NIM1K: variants seen among roughly 807,000 people sequenced by gnomAD.
The protein encoded by NIM1K is serine/threonine-protein kinase NIM1.
A neutral mutation model predicts 37.1 loss-of-function variants in NIM1K; 35 were observed. That is an observed-to-expected ratio of 0.94 (90% CI 0.72 to 1.25). The LOEUF is 1.25. NIM1K is among the 50% of genes most tolerant of loss of function. The pLI is 0.00. For synonymous variants in NIM1K, 234 were observed against 206.6 expected, an observed-to-expected ratio of 1.13 and a Z score of -1.14; for missense variants, 564 against 548.0, an observed-to-expected ratio of 1.03 and a Z score of -0.29.
chr5:43,210,200 G>A (rs1752183762), intron 1 of NIM1K, among the ~76,000 whole-genome samples: 1 of 151,644 alleles, frequency 6.6e-6, no homozygotes, highest in Non-Finnish European at 1.5e-5. Flanking sequence ...GGAGAGGGGA[G>A]GGGAGGAGAG....
intron 2 of NIM1K, among the ~76,000 whole-genome samples, chr5:43,246,787 G>A (rs1184696622): frequency 2.0e-5 from 3 of 152,188 alleles, no homozygotes; most frequent in African/African-American, 7.2e-5. Flanking sequence ...ACCATATGGA[G>A]AGCCCAGCAC....
At position 43,198,299 on chromosome 5, in the gene NIM1K, CCTTA is replaced by C. The variant is rs757353757; in HGVS notation, c.-695+5892_-695+5895del. 1.0e-4 allele frequency among the ~76,000 whole-genome samples: 15 copies of C among 146,294 alleles called. No homozygotes were observed. In the East Asian group the frequency reaches 1.4e-3, roughly 14 times the overall value. ...TCTTTCTCTCCTTTCTTCCTTCCTT[CCTTA>C]CTTCCTTCCTCCCTTCCTTCCTTTC... On this transcript the variant is annotated intron_variant, in intron 1 of 3. Coordinates refer to ENST00000326035, the MANE Select transcript of NIM1K (RefSeq NM_153361.4).
Position 43,245,628 on chromosome 5 carries a change from C to T in NIM1K, c.-148C>T. 7 of 724,532 alleles carry T rather than the reference C, an allele frequency of 9.7e-6. No individual in the cohort carries two copies. The highest frequency in any genetic ancestry group is 2.6e-5 in the Admixed American group (1 of 39,212). The allele number at this position is 724,532 out of a possible 1,614,324, so 44.9% of individuals were successfully genotyped here. A position where few individuals can be genotyped will look rare whatever the true frequency, so the allele number is the denominator to read the frequency against. Reference sequence around the variant, plus strand: ...TTCACTGCCTTCCTCTCACTAAAGCCGAGAGGGAGGCTGCTCAGCTCTCAG... The same window carrying T: ...TTCACTGCCTTCCTCTCACTAAAGCTGAGAGGGAGGCTGCTCAGCTCTCAG... On this transcript the variant is annotated 5_prime_UTR_variant, in exon 2 of 4. Transcript: ENST00000326035.
At chr5:43,253,623 T>A (rs984349256) in intron 2 of NIM1K, among the ~76,000 whole-genome samples, 1 of 151,846 alleles carries the variant, frequency 6.6e-6, no homozygotes, top group Admixed American at 6.6e-5. Flanking sequence ...TTCTTGCATA[T>A]CTGGATTTTG....
chr5:43,262,106 C>A (rs566239266), intron 2 of NIM1K, among the ~76,000 whole-genome samples: 52 of 152,116 alleles, frequency 3.4e-4, no homozygotes, highest in African/African-American at 9.9e-4. Context: ...TTTTTTGGTT[C>A]CATATGAACT....
chr5:43,275,282 C>T (rs1011648375), intron 2 of NIM1K, among the ~76,000 whole-genome samples: 1 of 152,166 alleles, frequency 6.6e-6, no homozygotes. Context: ...TTGATAGCTT[C>T]ATGGTGTGAA....
chr5:43,212,276 C>G (rs890029210), intron 1 of NIM1K, among the ~76,000 whole-genome samples: 1 of 152,030 alleles, frequency 6.6e-6, no homozygotes, highest in South Asian at 2.1e-4. Context: ...GATCGCACAT[C>G]ATTTCTGGGT....
At position 43,241,118 on chromosome 5, in the gene NIM1K, C is replaced by T. The variant is rs539748715; in HGVS notation, c.-694-3964C>T. 3.9e-4 allele frequency among the ~76,000 whole-genome samples: 60 copies of T among 152,048 alleles called. 5 individuals are homozygous for T. Among genetic ancestry groups the T allele is most frequent in the African/African-American group, 1.4e-3 (58 of 41,334 alleles). On this transcript the variant is annotated intron_variant, in intron 1 of 3. Transcript: ENST00000326035. ...TCCTGTTTCCCCATACTATCTCTCACCATTGCACTATCAAAATTTTTTTTT... is the reference window on the plus strand; with the variant it reads ...TCCTGTTTCCCCATACTATCTCTCATCATTGCACTATCAAAATTTTTTTTT...
intron 2 of NIM1K, among the ~76,000 whole-genome samples, chr5:43,273,749 G>A (rs1269312304): frequency 6.6e-6 from 1 of 152,126 alleles, no homozygotes; most frequent in Non-Finnish European, 1.5e-5. Context: ...CAAGCTCCTA[G>A]GCCAAGTATG....
chr5:43,267,583 A>G (rs1273365466), intron 2 of NIM1K, among the ~76,000 whole-genome samples: 2 of 152,148 alleles, frequency 1.3e-5, no homozygotes, highest in Non-Finnish European at 2.9e-5. Flanking sequence ...TGATGTAGGC[A>G]TTTAGTGCTA....
At chr5:43,217,992 G>A (rs536319745) in intron 1 of NIM1K, among the ~76,000 whole-genome samples, 5 of 151,972 alleles carry the variant, frequency 3.3e-5, no homozygotes, top group South Asian at 2.1e-4. Context: ...GATTACAGGC[G>A]TGAGCCTCCG....
chr5:43,271,810 G>C (rs1366311889), intron 2 of NIM1K, among the ~76,000 whole-genome samples: 1 of 152,150 alleles, frequency 6.6e-6, no homozygotes, highest in East Asian at 1.9e-4. Context: ...TGGCTCTTCT[G>C]TAGCCACCTC....
intron 2 of NIM1K, among the ~76,000 whole-genome samples, chr5:43,257,879 G>T (rs1752969668): frequency 6.6e-6 from 1 of 151,682 alleles, no homozygotes; most frequent in Non-Finnish European, 1.5e-5. Context: ...GGGCAACATA[G>T]CAAGACCCTG....
intron 2 of NIM1K, among the ~76,000 whole-genome samples, chr5:43,266,256 T>TG (rs536741095): frequency 4.0e-3 from 607 of 152,254 alleles, no homozygotes; most frequent in Non-Finnish European, 5.1e-3. Context: ...CCTTGAGCTG[T>TG]GGGGGGCTCC....
intron 2 of NIM1K, among the ~76,000 whole-genome samples, chr5:43,254,193 T>A (rs952386057): frequency 6.6e-6 from 1 of 152,118 alleles, no homozygotes; most frequent in Non-Finnish European, 1.5e-5. Flanking sequence ...AACCTTGTGA[T>A]CAATGGTATG....
intron 2 of NIM1K, among the ~76,000 whole-genome samples, chr5:43,271,891 T>A (rs576369631): frequency 1.3e-5 from 2 of 152,332 alleles, no homozygotes; most frequent in East Asian, 3.9e-4. Flanking sequence ...AATTTTGTCA[T>A]TCCAAGAAAA....
intron 2 of NIM1K, among the ~76,000 whole-genome samples, chr5:43,272,041 T>C (rs770601289): frequency 1.3e-5 from 2 of 152,214 alleles, no homozygotes; most frequent in Non-Finnish European, 2.9e-5. Flanking sequence ...CGTATGAAGG[T>C]ACCACAATTT....
chr5:43,249,645 G>A (rs1182944543), intron 2 of NIM1K, among the ~76,000 whole-genome samples: 1 of 152,122 alleles, frequency 6.6e-6, no homozygotes, highest in African/African-American at 2.4e-5. Context: ...AAAAAGTTGA[G>A]TGAAAACACT....
At chr5:43,236,753 T>G (rs1484723342) in intron 1 of NIM1K, among the ~76,000 whole-genome samples, 1 of 152,202 alleles carries the variant, frequency 6.6e-6, no homozygotes, top group Non-Finnish European at 1.5e-5. Context: ...TCAGACTGGA[T>G]GGACTGTCCC....
Sources: allele counts gnomAD v4.1 joint callset (sites outside exome capture counted in the v4.1 genomes callset), GRCh38; gene constraint gnomAD v4.1.1; transcripts MANE v1.5; gene names NCBI Gene and HGNC (gene_info 2026-07-23, HGNC 2026-07-21).